The following DLG2 variants were observed in gnomAD, a reference collection of about 807,000 sequenced individuals.
The protein encoded by DLG2 is disks large homolog 2.
A neutral mutation model predicts 132.5 loss-of-function variants in DLG2; 45 were observed. That is an observed-to-expected ratio of 0.34 (90% CI 0.27 to 0.44). The LOEUF (loss-of-function observed/expected upper bound fraction) is 0.44. Among genes scored for constraint, DLG2 ranks in the 20% least tolerant of loss-of-function variants. The pLI is 1.00. For missense variants in DLG2, 1,045 were observed against 1,196.9 expected, an observed-to-expected ratio of 0.87 and a Z score of 1.87; for synonymous variants, 424 against 419.6, an observed-to-expected ratio of 1.01 and a Z score of -0.13.
intron 3 of DLG2, among the ~76,000 whole-genome samples, chr11:85,487,870 G>A (rs753467231): frequency 6.6e-6 from 1 of 152,182 alleles, no homozygotes; most frequent in East Asian, 1.9e-4. Context: ...TAATCAGACT[G>A]TCTAATATGG....
rs546392644 is a variant in DLG2 at position 84,017,050 on chromosome 11, A to G, written c.920-36408T>C. On this transcript the variant is annotated intron_variant, in intron 11 of 27. Transcript: ENST00000376104. ...GAGAGTACTACACAGAGAACATAGC[A>G]TATGCAAAGACTTCAAGGAAAAAAA... 2.0e-5 allele frequency among the ~76,000 whole-genome samples: 3 copies of G among 152,148 alleles called. No homozygotes were observed. In the East Asian group the frequency reaches 5.8e-4, roughly 29 times the overall value.
At chr11:84,389,750 G>T (rs1290504812) in intron 7 of DLG2, among the ~76,000 whole-genome samples, 1 of 152,066 alleles carries the variant, frequency 6.6e-6, no homozygotes, top group Non-Finnish European at 1.5e-5. Context: ...TCTAGCCTTT[G>T]TCAACAGAAA....
At chr11:84,492,615 T>C (rs946492199) in intron 7 of DLG2, among the ~76,000 whole-genome samples, 8 of 152,124 alleles carry the variant, frequency 5.3e-5, no homozygotes, top group East Asian at 1.9e-4. Context: ...ACAGAAGTAA[T>C]GTGAAGAGTA....
chr11:84,947,063 T>C (rs746849253), intron 6 of DLG2, among the ~76,000 whole-genome samples: 1 of 152,206 alleles, frequency 6.6e-6, no homozygotes, highest in Non-Finnish European at 1.5e-5. Flanking sequence ...ACAGATTCTA[T>C]GTGCCATGCG....
At chr11:83,786,658 T>C in intron 18 of DLG2, 32 bp downstream of exon 18, 2 of 1,555,544 alleles carry the variant, frequency 1.3e-6, no homozygotes, top group Non-Finnish European at 1.8e-6. Flanking sequence ...CAGAGACATA[T>C]CAGAACATTA....
intron 4 of DLG2, among the ~76,000 whole-genome samples, chr11:85,279,179 T>C (rs923673321): frequency 1.3e-5 from 2 of 151,944 alleles, no homozygotes; most frequent in African/African-American, 4.8e-5. Flanking sequence ...AGGGATCAAG[T>C]AAAAAGGATA....
rs568871719 is a variant in DLG2 at position 84,270,063 on chromosome 11, A to T, written c.520-18772T>A. The stretch of plus-strand genomic sequence containing the variant: ...ACACAGGCCAGTCTCTATGAAAAGA[A>T]CTACTAATTATGAGACTGTTTTTAT... On this transcript the variant is annotated intron_variant, in intron 7 of 27. Transcript: ENST00000376104. Among the ~76,000 whole-genome samples, 69 of 152,350 alleles carry T rather than the reference A, an allele frequency of 4.5e-4. No individual in the cohort carries two copies. The South Asian group carries it at 4.8e-3, about 11-fold the overall frequency.
chr11:84,439,348 G>T (rs558521951), intron 7 of DLG2, among the ~76,000 whole-genome samples: 27 of 152,212 alleles, frequency 1.8e-4, no homozygotes, highest in African/African-American at 6.0e-4. Flanking sequence ...CAGAAATCTC[G>T]AGTGCTCACC....
At chr11:84,420,674 TTTTTTTTTTTTTG>T (rs2098946716) in intron 7 of DLG2, among the ~76,000 whole-genome samples, 4 of 79,760 alleles carry the variant, frequency 5.0e-5, no homozygotes, top group Non-Finnish European at 9.4e-5. Context: ...TTTTTTTTTT[TTTTTTTTTTTTTG>T]AGACGGAGTC....
At chr11:85,200,906 T>C (rs2081408042) in intron 4 of DLG2, among the ~76,000 whole-genome samples, 1 of 152,044 alleles carries the variant, frequency 6.6e-6, no homozygotes, top group Admixed American at 6.5e-5. Context: ...CCAGCCTCCA[T>C]CCTGCAGCAG....
intron 7 of DLG2, among the ~76,000 whole-genome samples, chr11:84,458,266 G>A (rs557654628): frequency 8.9e-4 from 134 of 150,908 alleles, no homozygotes; most frequent in African/African-American, 3.2e-3. Context: ...TTGGTTTCCT[G>A]ATTATTATTC....
At chr11:85,382,473 A>G (rs558768523) in intron 3 of DLG2, among the ~76,000 whole-genome samples, 1 of 152,236 alleles carries the variant, frequency 6.6e-6, no homozygotes, top group African/African-American at 2.4e-5. Flanking sequence ...TATTTCTTAG[A>G]CACATCAAAA....
At chr11:85,446,144 T>C (rs547815645) in intron 3 of DLG2, among the ~76,000 whole-genome samples, 89 of 152,346 alleles carry the variant, frequency 5.8e-4, no homozygotes, top group Middle Eastern at 6.8e-3. Context: ...GTATGGTGTT[T>C]TGAGTTGTTT....
chr11:83,841,950 G>A (rs1342540042), intron 16 of DLG2, among the ~76,000 whole-genome samples: 2 of 152,182 alleles, frequency 1.3e-5, no homozygotes, highest in Non-Finnish European at 2.9e-5. Context: ...AAACTTGTGA[G>A]CAATAAGCTA....
At chr11:84,899,627 A>G (rs963633739) in intron 6 of DLG2, among the ~76,000 whole-genome samples, 3 of 152,060 alleles carry the variant, frequency 2.0e-5, no homozygotes, top group African/African-American at 7.2e-5. Context: ...TATATTACAT[A>G]AATGTCAATT....
At chr11:83,993,841 C>G (rs1380938724) in intron 11 of DLG2, among the ~76,000 whole-genome samples, 1 of 152,122 alleles carries the variant, frequency 6.6e-6, no homozygotes, top group Non-Finnish European at 1.5e-5. Flanking sequence ...TTCCAGCACA[C>G]AAAGCCACAA....
intron 18 of DLG2, among the ~76,000 whole-genome samples, chr11:83,772,060 C>T (rs2094415540): frequency 6.6e-6 from 1 of 151,960 alleles, no homozygotes. Context: ...TCTTTTGTAA[C>T]TTGTGATCCC....
intron 19 of DLG2, among the ~76,000 whole-genome samples, chr11:83,549,502 C>T (rs924980894): frequency 7.2e-5 from 11 of 152,110 alleles, no homozygotes; most frequent in African/African-American, 2.4e-4. Flanking sequence ...TTTACTTCAC[C>T]TCTTCTCTAC....
At chr11:83,588,201 A>G (rs899350625) in intron 19 of DLG2, among the ~76,000 whole-genome samples, 2 of 151,614 alleles carry the variant, frequency 1.3e-5, no homozygotes, top group Non-Finnish European at 2.9e-5. Context: ...AAACAAAAAG[A>G]CAGCAGTAAC....
Sources: gnomAD v4.1 joint callset for allele counts (sites outside exome capture counted in the v4.1 genomes callset) on GRCh38, gnomAD v4.1.1 for gene constraint, MANE v1.5 for transcripts, NCBI Gene and HGNC (gene_info 2026-07-23, HGNC 2026-07-21) for gene names.